GLDN: variants seen among roughly 807,000 people sequenced by gnomAD.
GLDN encodes the protein collomin.
In GLDN, 47 loss-of-function variants were observed where a neutral mutation model predicts 56.5. The ratio of observed to expected loss-of-function variants is 0.83; its 90% CI spans 0.66 to 1.06. The LOEUF (loss-of-function observed/expected upper bound fraction) is 1.06, where lower values mean the gene tolerates loss of function less well. Among genes scored for constraint, GLDN ranks in the 50% least tolerant of loss-of-function variants. The probability of loss-of-function intolerance (pLI) is 0.00; values close to 1 mark genes in which losing one functional copy is unlikely to be tolerated. For missense variants in GLDN, 782 were observed against 714.3 expected (o/e 1.09, Z -1.08); for synonymous variants, 332 against 278.8 (o/e 1.19, Z -1.90).
rs931128249 is a variant in GLDN, at chr15:51,400,093, A to G, written c.818-99A>G. The G allele has an allele frequency of 1.4e-5, 14 of 996,198 alleles. No homozygotes were observed. In the East Asian group the frequency reaches 2.0e-4, roughly 14 times the overall value. The allele number at this position is 996,198 out of a possible 1,614,324, so 61.7% of individuals were successfully genotyped here. On this transcript the variant is annotated intron_variant, in intron 6 of 9. Transcript: ENST00000335449. ...TATTGCAAGGGATGTTTATGAGACT[A>G]GAGTCTGGAATGAGGTGGGGAAGAG...
At chr15:51,351,168 T>C in intron 1 of GLDN, 1 of 293,594 alleles carries the variant, frequency 3.4e-6, no homozygotes, top group South Asian at 3.9e-5. Flanking sequence ...CATCTCTTGA[T>C]AGCTAGCCTT....
In GLDN at chr15:51,397,479, G is replaced by A. The variant is rs1450348820; in HGVS notation, c.698G>A (p.Gly233Asp). 1 of 1,523,236 alleles carries A rather than the reference G, an allele frequency of 6.6e-7. No homozygotes were observed. The highest frequency in any genetic ancestry group is 8.8e-7 in the Non-Finnish European group (1 of 1,132,358). The allele number at this position is 1,523,236 out of a possible 1,614,324, so 94.4% of individuals were successfully genotyped here. The change falls in exon 6 of 10, where the codon GGT becomes GAT. Residue 233 changes from glycine (G) to aspartate (D), a missense_variant. Physicochemically the swap from Gly to Asp is moderately conservative, Grantham distance 94. Transcript: ENST00000335449. ...CTCTCTCTCTCTCCAGGTGCCAAAG[G>A]TGACCAAGGCCCACCCGGTCCACCT... ...SNDVLLAGAKGDQGPPGPPGP... is the reference protein window; with the variant it reads ...SNDVLLAGAKDDQGPPGPPGP...
In GLDN at chr15:51,404,601, G is replaced by C; in HGVS notation, c.1503G>C (p.Gly501=). 6.2e-7 allele frequency: 1 copy of C among 1,614,070 alleles called. No individual in the cohort carries two copies. The stretch of plus-strand genomic sequence containing the variant: ...CATTTGCCTTTGATTTGTTAGGAGG[G>C]AAACAGATCAATGCAAACTTTGATT... The part of the protein sequence containing the change: ...RVTFAFDLLG[G]KQINANFDLR... The change falls in exon 10 of 10, where the codon GGG becomes GGC. Residue 501 remains glycine (G), a synonymous_variant. Transcript: ENST00000335449.
intron 1 of GLDN, among the ~76,000 whole-genome samples, chr15:51,352,172 T>C (rs1326169602): frequency 1.3e-5 from 2 of 152,134 alleles, no homozygotes; most frequent in Non-Finnish European, 2.9e-5. Flanking sequence ...GGGTCTGTTT[T>C]CTGGTTCATA....
At position 51,362,540 on chromosome 15, in the gene GLDN, G is replaced by T. The variant is rs1386127946; in HGVS notation, c.364-14909G>T. Among the ~76,000 whole-genome samples, 4 of 152,032 alleles carry T rather than the reference G, an allele frequency of 2.6e-5. No homozygotes were observed. In the South Asian group the frequency reaches 8.3e-4, roughly 32 times the overall value. Reference sequence around the variant, plus strand: ...GATGTCAGAAAGATGATTGGGTTGGGTGGGGGAAGGAGGGACAAGAGACCA... The same window carrying T: ...GATGTCAGAAAGATGATTGGGTTGGTTGGGGGAAGGAGGGACAAGAGACCA... On this transcript the variant is annotated intron_variant, in intron 1 of 9. Transcript: ENST00000335449.
At chr15:51,372,635 C>T (rs79906322) in intron 1 of GLDN, among the ~76,000 whole-genome samples, 2,183 of 152,278 alleles carry the variant, frequency 0.014, 49 homozygotes, top group African/African-American at 0.05. Context: ...CCAGCACCAC[C>T]AGATTCTCAT....
At chr15:51,354,814 AGGCTGT>A (rs1435152642) in intron 1 of GLDN, among the ~76,000 whole-genome samples, 1 of 152,214 alleles carries the variant, frequency 6.6e-6, no homozygotes, top group African/African-American at 2.4e-5. Context: ...AGAGTCATAA[AGGCTGT>A]GGTTTTATAG....
At chr15:51,383,567 T>C in intron 3 of GLDN, 114 bp downstream of exon 3, 1 of 1,278,390 alleles carries the variant, frequency 7.8e-7, no homozygotes, top group Non-Finnish European at 1.1e-6. Flanking sequence ...GTCCTGGCTG[T>C]GTGTCTCCTT....
chr15:51,377,799 A>G (rs1292167885), intron 2 of GLDN, among the ~76,000 whole-genome samples: 1 of 152,228 alleles, frequency 6.6e-6, no homozygotes, highest in Non-Finnish European at 1.5e-5. Flanking sequence ...TAAAAGGGGA[A>G]AGAAAGGAAG....
At chr15:51,369,417 CTG>C (rs1299131611) in intron 1 of GLDN, among the ~76,000 whole-genome samples, 3 of 152,262 alleles carry the variant, frequency 2.0e-5, no homozygotes, top group African/African-American at 7.2e-5. Flanking sequence ...AGCCAGCAAA[CTG>C]TAACCTGTGC....
At chr15:51,376,295 T>C (rs1268949562) in intron 1 of GLDN, among the ~76,000 whole-genome samples, 1 of 152,236 alleles carries the variant, frequency 6.6e-6, no homozygotes, top group South Asian at 2.1e-4. Flanking sequence ...TGTAGGCAAC[T>C]GTAACACAGT....
At chr15:51,397,633 T>G (rs772414925) in intron 6 of GLDN, 35 bp downstream of exon 6, 2 of 1,519,724 alleles carry the variant, frequency 1.3e-6, no homozygotes, top group Admixed American at 4.0e-5. Flanking sequence ...CCACCTCTTC[T>G]GTCAATTATT....
chr15:51,412,037 T>C (rs139590910), downstream of GLDN, among the ~76,000 whole-genome samples: 23 of 152,364 alleles, frequency 1.5e-4, no homozygotes, highest in African/African-American at 5.0e-4. Context: ...GCAACATCAA[T>C]GTTGTTCATG....
At chr15:51,353,611 C>A (rs1435976448) in intron 1 of GLDN, among the ~76,000 whole-genome samples, 6 of 149,560 alleles carry the variant, frequency 4.0e-5, no homozygotes, top group Non-Finnish European at 1.5e-5. Context: ...GAAGGTAGAG[C>A]AAAAACAGGT....
chr15:51,359,800 C>A (rs1411770939), intron 1 of GLDN, among the ~76,000 whole-genome samples: 2 of 151,770 alleles, frequency 1.3e-5, no homozygotes, highest in African/African-American at 2.4e-5. Context: ...CATGGTGAAA[C>A]CCTATCTCTA....
intron 1 of GLDN, among the ~76,000 whole-genome samples, chr15:51,374,736 C>CTTTTTTTTTTTTTTTTTTTTTT (rs71297688): frequency 9.1e-6 from 1 of 110,260 alleles, no homozygotes; most frequent in Non-Finnish European, 1.9e-5. Flanking sequence ...CTTTCTTTTC[C>CTTTTTTTTTTTTTTTTTTTTTT]TTTTTTTTTT....
intron 1 of GLDN, among the ~76,000 whole-genome samples, chr15:51,363,203 T>A (rs1006553993): frequency 6.6e-6 from 1 of 152,102 alleles, no homozygotes; most frequent in African/African-American, 2.4e-5. Context: ...CAGGAAATCA[T>A]GGAGATGCTA....
chr15:51,366,890 A>G (rs1035821307), intron 1 of GLDN, among the ~76,000 whole-genome samples: 5 of 151,642 alleles, frequency 3.3e-5, no homozygotes, highest in African/African-American at 1.2e-4. Context: ...AAAAAAAAAA[A>G]GTATGAATTG....
At position 51,407,391 on chromosome 15, in the gene GLDN, C is replaced by T. The variant is rs2038407053; in HGVS notation, c.*2637C>T. On this transcript the variant is annotated 3_prime_UTR_variant, in exon 10 of 10. Coordinates refer to ENST00000335449, the MANE Select transcript of GLDN (RefSeq NM_181789.4). Reference sequence around the variant, plus strand: ...GTCAAGATACTGTTTTAGGAGTTTACCCTCTCATTTATAACCAAAGTTGCT... The same window carrying T: ...GTCAAGATACTGTTTTAGGAGTTTATCCTCTCATTTATAACCAAAGTTGCT... The T allele has an allele frequency of 6.6e-6, 1 of 152,156 alleles. No homozygotes were observed. Among genetic ancestry groups the T allele is most frequent in the Non-Finnish European group, 1.5e-5 (1 of 68,018 alleles). The allele number at this position is 152,156 out of a possible 1,614,324, so 9.4% of individuals were successfully genotyped here. A position where few individuals can be genotyped will look rare whatever the true frequency, so the allele number is the denominator to read the frequency against.
Sources: gnomAD v4.1 joint callset for allele counts (sites outside exome capture counted in the v4.1 genomes callset) on GRCh38, gnomAD v4.1.1 for gene constraint, MANE v1.5 for transcripts, NCBI Gene and HGNC (gene_info 2026-07-23, HGNC 2026-07-21) for gene names.